FILIP1: variants seen among roughly 807,000 people sequenced by gnomAD.
FILIP1 encodes filamin A interacting protein 1.
In FILIP1, 61 loss-of-function variants were observed where a neutral mutation model predicts 102.1. That is an observed-to-expected ratio of 0.60 (90% CI 0.49 to 0.74). FILIP1 has a LOEUF of 0.74. Ranked by LOEUF, FILIP1 falls within the 30% of genes least tolerant of loss-of-function variation. FILIP1 has a pLI of 0.00. For missense variants in FILIP1, 1,314 were observed against 1,441.2 expected (o/e 0.91, Z 1.43); for synonymous variants, 491 against 526.9 (o/e 0.93, Z 0.93).
chr6:75,305,817 C>T (rs535248277), downstream of FILIP1, among the ~76,000 whole-genome samples: 13 of 152,098 alleles, frequency 8.5e-5, no homozygotes, highest in African/African-American at 3.1e-4. Context: ...GGAAATGGCC[C>T]ACCCTTCCCA....
At chr6:75,349,747 G>C (rs1774723085) in intron 4 of FILIP1, among the ~76,000 whole-genome samples, 1 of 152,128 alleles carries the variant, frequency 6.6e-6, no homozygotes, top group African/African-American at 2.4e-5. Flanking sequence ...GAGCCTCCTG[G>C]AGAGGCTCTC....
intron 5 of FILIP1, 134 bp from the exon 6 acceptor site, chr6:75,309,031 T>A: frequency 1.1e-6 from 1 of 920,208 alleles, no homozygotes; most frequent in South Asian, 1.7e-5. Context: ...GATAAAATAA[T>A]TGTGAGAAAC....
intron 1 of FILIP1, among the ~76,000 whole-genome samples, chr6:75,426,905 T>C (rs962260774): frequency 1.3e-5 from 2 of 152,166 alleles, no homozygotes; most frequent in South Asian, 4.1e-4. Flanking sequence ...ATTTTCATTT[T>C]GCACGGGACC....
rs1428849559 is a variant in FILIP1 at position 75,312,369 on chromosome 6, C to T, written c.3435+28G>A. 3 of 1,595,288 alleles carry T rather than the reference C, an allele frequency of 1.9e-6. No homozygotes were observed. The Admixed American group carries it at 5.1e-5, about 27-fold the overall frequency. On this transcript the variant is annotated intron_variant, in intron 5 of 5. Coordinates refer to ENST00000237172, the MANE Select transcript of FILIP1 (RefSeq NM_015687.5). The stretch of plus-strand genomic sequence containing the variant: ...ACTCACGTCTCCCTCCCTCTGCAGG[C>T]CTGCGCTTTGGAGCCTCTTCTACTC...
intron 2 of FILIP1, among the ~76,000 whole-genome samples, chr6:75,400,737 G>A (rs1020384273): frequency 7.9e-5 from 12 of 152,086 alleles, no homozygotes; most frequent in African/African-American, 2.7e-4. Flanking sequence ...GGGAGGGAAG[G>A]GTAGGAGATA....
chr6:75,450,119 T>G (rs1278226210), intron 1 of FILIP1, among the ~76,000 whole-genome samples: 2 of 152,008 alleles, frequency 1.3e-5, no homozygotes, highest in African/African-American at 4.8e-5. Context: ...TTTAAAAATT[T>G]TTTTTGGTAG....
At chr6:75,415,941 C>A (rs1777252558) in intron 1 of FILIP1, among the ~76,000 whole-genome samples, 1 of 152,120 alleles carries the variant, frequency 6.6e-6, no homozygotes, top group African/African-American at 2.4e-5. Flanking sequence ...CAGGCTAGGT[C>A]TCAAAGTGCT....
At chr6:75,405,586 G>C (rs1282732669) in intron 2 of FILIP1, among the ~76,000 whole-genome samples, 2 of 152,230 alleles carry the variant, frequency 1.3e-5, no homozygotes, top group African/African-American at 4.8e-5. Flanking sequence ...AGCAAGGCAA[G>C]TTACTTCTAT....
At chr6:75,304,311 A>C (rs1772921249), downstream of FILIP1, among the ~76,000 whole-genome samples, 1 of 152,146 alleles carries the variant, frequency 6.6e-6, no homozygotes, top group Non-Finnish European at 1.5e-5. Context: ...TCTCAGGCTC[A>C]AGCAATCCTC....
At chr6:75,456,034 C>T (rs958496354) in intron 1 of FILIP1, among the ~76,000 whole-genome samples, 1 of 152,188 alleles carries the variant, frequency 6.6e-6, no homozygotes, top group African/African-American at 2.4e-5. Context: ...ATCAAAACTA[C>T]CTCTTTCTTG....
intron 2 of FILIP1, among the ~76,000 whole-genome samples, chr6:75,403,955 C>A (rs1029850450): frequency 6.6e-6 from 1 of 152,168 alleles, no homozygotes. Context: ...CCAAATCCTG[C>A]CATAATCCTA....
chr6:75,469,343 T>G (rs1779266580), intron 1 of FILIP1, among the ~76,000 whole-genome samples: 1 of 152,022 alleles, frequency 6.6e-6, no homozygotes, highest in African/African-American at 2.4e-5. Flanking sequence ...TGAATAGCAT[T>G]TAGTAGAAAA....
At chr6:75,465,610 T>C in intron 1 of FILIP1, 1 of 387,922 alleles carries the variant, frequency 2.6e-6, no homozygotes, top group South Asian at 3.2e-5. Context: ...CCTCATTCGA[T>C]TTAAGCAGTC....
intron 1 of FILIP1, among the ~76,000 whole-genome samples, chr6:75,488,238 G>A (rs557111815): frequency 6.6e-6 from 1 of 152,022 alleles, no homozygotes; most frequent in Non-Finnish European, 1.5e-5. Flanking sequence ...TTCTGTGCTG[G>A]GAGTTTCTCA....
At chr6:75,390,105 G>A (rs1776234081) in intron 2 of FILIP1, among the ~76,000 whole-genome samples, 1 of 152,198 alleles carries the variant, frequency 6.6e-6, no homozygotes, top group African/African-American at 2.4e-5. Flanking sequence ...GGTCAAGTTT[G>A]AGAACTACTT....
Position 75,314,807 on chromosome 6 carries a change from A to G in FILIP1, c.1025T>C (p.Ile342Thr). 1 of 1,613,814 alleles carries G rather than the reference A, an allele frequency of 6.2e-7. No homozygotes were observed. The highest frequency in any genetic ancestry group is 8.5e-7 in the Non-Finnish European group (1 of 1,179,966). ...TTTGTTGGTCTCTTCTAGCTCCTCG[A>G]TTCTTTGGGTTAAGCCAACCAGCTT... ...RLKLVGLTQRIEELEETNKNL... is the reference protein window; with the variant it reads ...RLKLVGLTQRTEELEETNKNL... The change falls in exon 5 of 6, where the codon ATC becomes ACC. Residue 342 changes from isoleucine to threonine, a missense_variant. Around this residue, in one of 3 missense-constraint regions of FILIP1, gnomAD observed 494 missense variants for 511.2 expected, o/e 0.97. Transcript: ENST00000237172.
At chr6:75,416,121 C>T (rs1227719644) in intron 1 of FILIP1, among the ~76,000 whole-genome samples, 1 of 152,068 alleles carries the variant, frequency 6.6e-6, no homozygotes, top group East Asian at 1.9e-4. Context: ...AATATAGGGA[C>T]TTTGTTATAT....
chr6:75,396,336 A>C (rs1776460304), intron 2 of FILIP1, among the ~76,000 whole-genome samples: 2 of 151,858 alleles, frequency 1.3e-5, no homozygotes, highest in African/African-American at 4.8e-5. Flanking sequence ...CCAAAGGGGG[A>C]CAAGACTGCA....
intron 4 of FILIP1, among the ~76,000 whole-genome samples, chr6:75,342,699 C>T (rs1375039814): frequency 6.6e-6 from 1 of 152,168 alleles, no homozygotes. Flanking sequence ...CTCTGAGATG[C>T]ACACTGTGGT....
Sources: allele counts gnomAD v4.1 joint callset (sites outside exome capture counted in the v4.1 genomes callset), GRCh38; gene constraint gnomAD v4.1.1; regional missense constraint gnomAD v4.1.1; transcripts MANE v1.5; gene names NCBI Gene and HGNC (gene_info 2026-07-23, HGNC 2026-07-21).